CAMK2D: variants seen among roughly 807,000 people sequenced by gnomAD.
CAMK2D encodes calcium/calmodulin dependent protein kinase II delta.
In CAMK2D, 37 loss-of-function variants were observed where a neutral mutation model predicts 84.0. The observed-to-expected ratio is 0.44, with a 90% CI of 0.34 to 0.58. CAMK2D has a LOEUF of 0.58. Ranked by LOEUF, CAMK2D falls within the 20% of genes least tolerant of loss-of-function variation. The pLI is 0.02. For synonymous variants in CAMK2D, 202 were observed against 212.5 expected (o/e 0.95, Z 0.43); for missense variants, 448 against 652.5 (o/e 0.69, Z 3.41).
chr4:113,536,797 C>G (rs964811542), intron 7 of CAMK2D, among the ~76,000 whole-genome samples: 2 of 152,070 alleles, frequency 1.3e-5, no homozygotes, highest in African/African-American at 2.4e-5. Context: ...ATAAAAATTT[C>G]TAAATTATCA....
intron 6 of CAMK2D, among the ~76,000 whole-genome samples, chr4:113,546,844 C>T (rs541475654): frequency 5.9e-5 from 9 of 152,060 alleles, no homozygotes; most frequent in South Asian, 2.1e-4. Flanking sequence ...GAAATGGAGA[C>T]GGAAAATTAA....
chr4:113,731,639 G>A (rs1046192608), intron 2 of CAMK2D, among the ~76,000 whole-genome samples: 4 of 146,908 alleles, frequency 2.7e-5, no homozygotes, highest in African/African-American at 7.6e-5. Flanking sequence ...AGGCTGGAGT[G>A]CAATGGCGTG....
At chr4:113,726,286 T>A (rs2099545554) in intron 2 of CAMK2D, among the ~76,000 whole-genome samples, 1 of 152,114 alleles carries the variant, frequency 6.6e-6, no homozygotes, top group African/African-American at 2.4e-5. Flanking sequence ...TTGTACACAT[T>A]TCCCCTAGAC....
chr4:113,648,542 T>C (rs780819400), intron 3 of CAMK2D, among the ~76,000 whole-genome samples: 20 of 152,192 alleles, frequency 1.3e-4, no homozygotes, highest in Non-Finnish European at 2.4e-4. Flanking sequence ...AAAAGATACA[T>C]GTTTGGGAAA....
intron 6 of CAMK2D, among the ~76,000 whole-genome samples, chr4:113,547,146 A>C (rs949878718): frequency 2.0e-5 from 3 of 152,224 alleles, no homozygotes; most frequent in African/African-American, 7.2e-5. Flanking sequence ...CCTAGGACTA[A>C]TGTTAAGGGA....
At chr4:113,592,178 T>C (rs2098891700) in intron 4 of CAMK2D, among the ~76,000 whole-genome samples, 1 of 152,098 alleles carries the variant, frequency 6.6e-6, no homozygotes. Flanking sequence ...GTGTCTCAAG[T>C]AGAAGTGAAA....
intron 3 of CAMK2D, among the ~76,000 whole-genome samples, chr4:113,610,444 T>C (rs2098995355): frequency 6.6e-6 from 1 of 152,166 alleles, no homozygotes. Context: ...AACATTCAGG[T>C]TATCACACAA....
intron 13 of CAMK2D, among the ~76,000 whole-genome samples, chr4:113,508,890 A>G (rs1023203292): frequency 6.6e-6 from 1 of 152,148 alleles, no homozygotes; most frequent in Non-Finnish European, 1.5e-5. Flanking sequence ...CTGTCCTTGG[A>G]AGAGAAAGAA....
chr4:113,760,544 T>C (rs1166039844), intron 1 of CAMK2D, among the ~76,000 whole-genome samples: 1 of 152,178 alleles, frequency 6.6e-6, no homozygotes, highest in Non-Finnish European at 1.5e-5. Flanking sequence ...TCTGAGGCTG[T>C]GAGTTCTCAT....
At chr4:113,568,821 T>C (rs1009860005) in intron 4 of CAMK2D, among the ~76,000 whole-genome samples, 1 of 152,168 alleles carries the variant, frequency 6.6e-6, no homozygotes, top group Non-Finnish European at 1.5e-5. Context: ...CACGGTGGTT[T>C]GATGTGTATT....
At chr4:113,622,317 G>A (rs183951104) in intron 3 of CAMK2D, among the ~76,000 whole-genome samples, 15 of 152,238 alleles carry the variant, frequency 9.9e-5, no homozygotes, top group African/African-American at 3.4e-4. Flanking sequence ...AGTGAAAAGA[G>A]AGTGATTAAT....
intron 4 of CAMK2D, among the ~76,000 whole-genome samples, chr4:113,604,727 T>C (rs1396392374): frequency 6.6e-6 from 1 of 152,260 alleles, no homozygotes; most frequent in East Asian, 1.9e-4. Flanking sequence ...AATCTTATTC[T>C]GTTTCCATGT....
Position 113,576,323 on chromosome 4 carries a change from C to T in CAMK2D, c.276-24227G>A, listed in dbSNP as rs2098782139. 2.0e-5 allele frequency among the ~76,000 whole-genome samples: 3 copies of T among 152,086 alleles called. No homozygotes were observed. The South Asian group carries it at 6.2e-4, about 32-fold the overall frequency. On this transcript the variant is annotated intron_variant, in intron 4 of 20. Coordinates refer to ENST00000511664, the MANE Select transcript of CAMK2D (RefSeq NM_001321571.2). ...CACGTTTGCTTCTAATCTCCTTTAC[C>T]AACCCCTCACCTTTTTAAACAGTCA...
chr4:113,529,713 G>A (rs1439687955), intron 8 of CAMK2D, among the ~76,000 whole-genome samples: 1 of 152,158 alleles, frequency 6.6e-6, no homozygotes, highest in Non-Finnish European at 1.5e-5. Flanking sequence ...TTTGATTTGA[G>A]TTGGCTGATA....
chr4:113,729,043 A>G (rs2099554534), intron 2 of CAMK2D, among the ~76,000 whole-genome samples: 1 of 151,346 alleles, frequency 6.6e-6, no homozygotes, highest in African/African-American at 2.5e-5. Context: ...TGATATTTGT[A>G]AAATTGCTTT....
chr4:113,669,350 T>C (rs1479657429), intron 2 of CAMK2D, among the ~76,000 whole-genome samples: 1 of 152,178 alleles, frequency 6.6e-6, no homozygotes, highest in East Asian at 1.9e-4. Context: ...AATAGAAGTT[T>C]CAAGAGAGCC....
chr4:113,473,618 A>C (rs2097571754), intron 16 of CAMK2D, among the ~76,000 whole-genome samples: 1 of 152,176 alleles, frequency 6.6e-6, no homozygotes, highest in Non-Finnish European at 1.5e-5. Flanking sequence ...TTTAATTACT[A>C]GAGGCTTTCA....
chr4:113,659,131 T>C (rs1473886106), intron 3 of CAMK2D, among the ~76,000 whole-genome samples: 2 of 152,318 alleles, frequency 1.3e-5, no homozygotes, highest in African/African-American at 4.8e-5. Context: ...AGTGTTTGAC[T>C]TTGGTATCCT....
At chr4:113,677,938 CAAGCGA>C (rs1421611414) in intron 2 of CAMK2D, among the ~76,000 whole-genome samples, 2 of 151,542 alleles carry the variant, frequency 1.3e-5, no homozygotes, top group Non-Finnish European at 2.9e-5. Flanking sequence ...CTTCAGAGAT[CAAGCGA>C]AACTATGCAA....
Sources: allele counts gnomAD v4.1 joint callset (sites outside exome capture counted in the v4.1 genomes callset), GRCh38; gene constraint gnomAD v4.1.1; transcripts MANE v1.5; gene names NCBI Gene and HGNC (gene_info 2026-07-23, HGNC 2026-07-21).